Variants in IQCH observed in about 807,000 individuals in gnomAD.
IQCH encodes the protein IQ domain-containing protein H.
In IQCH, 98 loss-of-function variants were observed where a neutral mutation model predicts 117.0. That is an observed-to-expected ratio of 0.84 (90% CI 0.71 to 0.99). The LOEUF (loss-of-function observed/expected upper bound fraction) is 0.99, where lower values mean the gene tolerates loss of function less well. Among genes scored for constraint, IQCH ranks in the 50% least tolerant of loss-of-function variants. The probability of loss-of-function intolerance (pLI) is 0.00; values close to 1 mark genes in which losing one functional copy is unlikely to be tolerated. For missense variants in IQCH, 1,102 were observed against 1,243.8 expected (o/e 0.89, Z 1.72); for synonymous variants, 412 against 448.2 (o/e 0.92, Z 1.02).
At chr15:67,306,811 T>A in intron 4 of IQCH, 1 of 1,521,980 alleles carries the variant, frequency 6.6e-7, no homozygotes, top group Non-Finnish European at 8.8e-7. Flanking sequence ...AACAACCTTC[T>A]AACATTTTTT....
chr15:67,452,021 G>GT lies in IQCH; in HGVS notation c.2506-13100dup, dbSNP rs967040875. 6.3e-4 allele frequency among the ~76,000 whole-genome samples: 96 copies of GT among 152,226 alleles called. 1 individual carries two copies. Among genetic ancestry groups the GT allele is most frequent in the Middle Eastern group, 3.4e-3 (1 of 294 alleles). On this transcript the variant is annotated intron_variant, in intron 16 of 20. Coordinates refer to ENST00000335894, the MANE Select transcript of IQCH (RefSeq NM_001031715.3). ...TTAGATCTTTGTTGGTTTAAAGTCTGTTTTTTCAGAGACTAGGATTGCAAC... is the reference window on the plus strand; with the variant it reads ...TTAGATCTTTGTTGGTTTAAAGTCTGTTTTTTTCAGAGACTAGGATTGCAAC...
rs1355065420 is a variant in IQCH at position 67,405,354 on chromosome 15, C to T, written c.2097+5049C>T. On this transcript the variant is annotated intron_variant, in intron 14 of 20. Transcript: ENST00000335894. The surrounding 1 kb of genome is among the most constrained non-coding windows in gnomAD (Gnocchi z 4.8). ...TAAGCATTTTGTAGATCTATGAATG[C>T]ACTGTTAAGGTGTTGACATTTCCTT... is the stretch of plus-strand genomic sequence containing the variant. The T allele has an allele frequency of 6.5e-6, 1 of 153,004 alleles. No individual in the cohort carries two copies. Among genetic ancestry groups the T allele is most frequent in the Non-Finnish European group, 1.5e-5 (1 of 68,746 alleles). 9.5% of individuals were successfully genotyped at this position (153,004 alleles called of 1,614,324 possible).
chr15:67,409,502 A>G (rs940842790), intron 14 of IQCH, among the ~76,000 whole-genome samples: 8 of 152,214 alleles, frequency 5.3e-5, no homozygotes, highest in Non-Finnish European at 1.2e-4. Flanking sequence ...TCAGTTGGAC[A>G]AAACGCTTCT....
rs548256083 is a variant in IQCH at position 67,325,686 on chromosome 15, A to G, written c.388-11289A>G. Among the ~76,000 whole-genome samples, 3 of 152,266 alleles carry G rather than the reference A, an allele frequency of 2.0e-5. No individual in the cohort carries two copies. In the East Asian group the frequency reaches 5.8e-4, roughly 29 times the overall value. ...AAATATTCTGCATAACCAAAATGCC[A>G]TTATAACACCTAAGAAAATAAACAA... On this transcript the variant is annotated intron_variant, in intron 4 of 20. Transcript: ENST00000335894.
At chr15:67,437,812 A>G (rs2082174320) in intron 16 of IQCH, among the ~76,000 whole-genome samples, 1 of 152,204 alleles carries the variant, frequency 6.6e-6, no homozygotes, top group Non-Finnish European at 1.5e-5. Flanking sequence ...GAGCTTGAAG[A>G]CAGGTCTTCG....
chr15:67,498,854 A>T (rs1363151232), intron 20 of IQCH, among the ~76,000 whole-genome samples: 6 of 152,226 alleles, frequency 3.9e-5, no homozygotes, highest in African/African-American at 1.4e-4. Flanking sequence ...CAGACCACAG[A>T]AAGGGAAATA....
chr15:67,337,179 T>C, intron 5 of IQCH, 84 bp downstream of exon 5: 10 of 1,486,164 alleles, frequency 6.7e-6, no homozygotes, highest in Non-Finnish European at 9.2e-6. Context: ...GAATTTGGAC[T>C]CTGGCTCAGC....
chr15:67,336,850 A>C, intron 4 of IQCH, 125 bp from the exon 5 acceptor site: 4 of 826,986 alleles, frequency 4.8e-6, no homozygotes, highest in Non-Finnish European at 7.5e-6. Context: ...ATAAAATTGG[A>C]GCTGATATTG....
chr15:67,471,228 A>G (rs1329260743), intron 17 of IQCH, among the ~76,000 whole-genome samples: 1 of 130,780 alleles, frequency 7.6e-6, no homozygotes, highest in African/African-American at 2.9e-5. Flanking sequence ...CATAAAGTGG[A>G]ATTTTGGCTC....
intron 10 of IQCH, among the ~76,000 whole-genome samples, chr15:67,382,721 C>T (rs1006155740): frequency 1.3e-5 from 2 of 152,172 alleles, no homozygotes; most frequent in African/African-American, 4.8e-5. Context: ...CCTTGAGTTT[C>T]CTTACCTATA....
chr15:67,377,660 G>A (rs1454750189), intron 10 of IQCH, among the ~76,000 whole-genome samples: 1 of 152,142 alleles, frequency 6.6e-6, no homozygotes, highest in Non-Finnish European at 1.5e-5. Flanking sequence ...AATGAGACGT[G>A]CCAAATATGG....
At chr15:67,317,700 A>G (rs949757181) in intron 4 of IQCH, among the ~76,000 whole-genome samples, 16 of 152,312 alleles carry the variant, frequency 1.1e-4, no homozygotes, top group African/African-American at 3.8e-4. Flanking sequence ...AATATCTTCT[A>G]GGGTACCTTA....
intron 16 of IQCH, among the ~76,000 whole-genome samples, chr15:67,444,907 A>C (rs2082359014): frequency 6.6e-6 from 1 of 152,236 alleles, no homozygotes; most frequent in Non-Finnish European, 1.5e-5. Flanking sequence ...TCTTCATAGA[A>C]AAAGAACAAG....
At chr15:67,373,029 A>G (rs546567902) in intron 9 of IQCH, among the ~76,000 whole-genome samples, 1 of 152,248 alleles carries the variant, frequency 6.6e-6, no homozygotes, top group East Asian at 1.9e-4. Flanking sequence ...AGAAAAAAAA[A>G]ATCCTCTCTT....
At chr15:67,258,428 G>C (rs1402350624) in intron 1 of IQCH, among the ~76,000 whole-genome samples, 1 of 151,378 alleles carries the variant, frequency 6.6e-6, no homozygotes, top group Admixed American at 6.6e-5. Flanking sequence ...CTACTCAGGA[G>C]ACTGAGGCAG....
At position 67,384,841 on chromosome 15, in the gene IQCH, T is replaced by A. The variant is rs1185907828; in HGVS notation, c.1373-95T>A. Reference sequence around the variant, plus strand: ...AGATGCTTCAGAGAAAATTTTTTCCTGGAAATATGGACTGTGACATTTTGA... The same window carrying A: ...AGATGCTTCAGAGAAAATTTTTTCCAGGAAATATGGACTGTGACATTTTGA... On this transcript the variant is annotated intron_variant, in intron 10 of 20. Transcript: ENST00000335894. This position sits in a 1 kb window ranked among gnomAD's most constrained non-coding sequence, Gnocchi z 4.3. 1.2e-6 allele frequency: 1 copy of A among 809,408 alleles called. No individual in the cohort carries two copies. The highest frequency in any genetic ancestry group is 2.1e-6 in the Non-Finnish European group (1 of 473,816). 50.1% of individuals were successfully genotyped at this position (809,408 alleles called of 1,614,324 possible).
chr15:67,445,620 G>C lies in IQCH; in HGVS notation c.2506-19507G>C, dbSNP rs2082374347. 6.6e-6 allele frequency among the ~76,000 whole-genome samples: 1 copy of C among 152,116 alleles called. No individual in the cohort carries two copies. Among genetic ancestry groups the C allele is most frequent in the East Asian group, 1.9e-4 (1 of 5,190 alleles). On this transcript the variant is annotated intron_variant, in intron 16 of 20. Transcript: ENST00000335894. This position sits in a 1 kb window ranked among gnomAD's most constrained non-coding sequence, Gnocchi z 4.3. The stretch of plus-strand genomic sequence containing the variant: ...CACCAGGCTAATTTTTATATTTTTA[G>C]TAGAGACAGGGTTTCACCATGTTGG...
rs946451621 is a variant in IQCH at position 67,395,001 on chromosome 15, G to A, written c.1633-290G>A. Among the ~76,000 whole-genome samples, 12 of 152,088 alleles carry A rather than the reference G, an allele frequency of 7.9e-5. No individual in the cohort carries two copies. In the East Asian group the frequency reaches 1.3e-3, roughly 17 times the overall value. ...GATGACTTGCTATTACCCAAAGGCCGCCAGCCTCTTTTCCTTCTGACAGAA... is the reference window on the plus strand; with the variant it reads ...GATGACTTGCTATTACCCAAAGGCCACCAGCCTCTTTTCCTTCTGACAGAA... On this transcript the variant is annotated intron_variant, in intron 12 of 20. Coordinates refer to ENST00000335894, the MANE Select transcript of IQCH (RefSeq NM_001031715.3). The surrounding 1 kb of genome is among the most constrained non-coding windows in gnomAD (Gnocchi z 4.0).
In IQCH at chr15:67,466,511, C is replaced by T. The variant is rs1372011418; in HGVS notation, c.2676+1214C>T. On this transcript the variant is annotated intron_variant, in intron 17 of 20. Transcript: ENST00000335894. This position sits in a 1 kb window ranked among gnomAD's most constrained non-coding sequence, Gnocchi z 4.4. Reference sequence around the variant, plus strand: ...AGAGATACCTTTTCCAAGCGGTCTCCTGCCTCTCTGTGAACCCCTTTGGGT... The same window carrying T: ...AGAGATACCTTTTCCAAGCGGTCTCTTGCCTCTCTGTGAACCCCTTTGGGT... 4 of 152,222 alleles carry T rather than the reference C, an allele frequency of 2.6e-5. No homozygotes were observed. Among genetic ancestry groups the T allele is most frequent in the Non-Finnish European group, 1.5e-5 (1 of 68,080 alleles). 9.4% of individuals were successfully genotyped at this position (152,222 alleles called of 1,614,324 possible). A position where few individuals can be genotyped will look rare whatever the true frequency, so the allele number is the denominator to read the frequency against.
Sources: allele counts gnomAD v4.1 joint callset (sites outside exome capture counted in the v4.1 genomes callset), GRCh38; gene constraint gnomAD v4.1.1; non-coding constraint Gnocchi (gnomAD v3.1); transcripts MANE v1.5; gene names NCBI Gene and HGNC (gene_info 2026-07-23, HGNC 2026-07-21).